The following NXN variants were observed in gnomAD, a reference collection of about 807,000 sequenced individuals.
NXN encodes nucleoredoxin.
NXN carries 16 observed loss-of-function variants against 48.6 expected under a neutral mutation model. The ratio of observed to expected loss-of-function variants is 0.33; its 90% CI spans 0.22 to 0.50. The LOEUF (loss-of-function observed/expected upper bound fraction) is 0.50. NXN is among the 20% of genes least tolerant of loss of function. The probability of loss-of-function intolerance (pLI) is 0.98; values close to 1 mark genes in which losing one functional copy is unlikely to be tolerated. For missense variants in NXN, 492 were observed against 605.5 expected (o/e 0.81, Z 1.97); for synonymous variants, 281 against 269.6 (o/e 1.04, Z -0.41).
intron 1 of NXN, among the ~76,000 whole-genome samples, chr17:862,135 A>C (rs1210992295): frequency 6.6e-6 from 1 of 152,178 alleles, no homozygotes; most frequent in Non-Finnish European, 1.5e-5. Flanking sequence ...TCAGCCAATG[A>C]GGGGCTCTTC....
chr17:901,560 C>CCAGGA (rs1364709166), intron 1 of NXN, among the ~76,000 whole-genome samples: 1 of 152,174 alleles, frequency 6.6e-6, no homozygotes, highest in East Asian at 1.9e-4. Context: ...TTCAAGGACA[C>CCAGGA]CAGGACACCT....
At chr17:808,769 G>C (rs1022453140) in intron 5 of NXN, among the ~76,000 whole-genome samples, 11 of 149,248 alleles carry the variant, frequency 7.4e-5, no homozygotes, top group Admixed American at 2.1e-4. Flanking sequence ...CCGCCTCCTG[G>C]GTTCAAGTGA....
intron 7 of NXN, among the ~76,000 whole-genome samples, chr17:801,691 A>T (rs569385882): frequency 6.6e-6 from 1 of 152,084 alleles, no homozygotes; most frequent in Non-Finnish European, 1.5e-5. Flanking sequence ...TGATCCGCCT[A>T]CCTTGGCCTC....
At chr17:812,115 G>C (rs1912074826) in intron 5 of NXN, among the ~76,000 whole-genome samples, 2 of 150,444 alleles carry the variant, frequency 1.3e-5, no homozygotes, top group Admixed American at 6.6e-5. Flanking sequence ...TTTTAATAGA[G>C]ACGGGGTTTC....
At chr17:877,232 C>G (rs1216224342) in intron 1 of NXN, among the ~76,000 whole-genome samples, 1 of 151,724 alleles carries the variant, frequency 6.6e-6, no homozygotes, top group Admixed American at 6.6e-5. Flanking sequence ...ACTGCAAGCT[C>G]CGCCTCCCAG....
rs772684733 is a variant in NXN at position 979,440 on chromosome 17, G to T, written c.239C>A (p.Pro80His). The T allele has an allele frequency of 2.3e-6, 3 of 1,283,986 alleles. No homozygotes were observed. Among genetic ancestry groups the T allele is most frequent in the Admixed American group, 6.3e-5 (2 of 31,558 alleles). The allele number at this position is 1,283,986 out of a possible 1,614,324, so 79.5% of individuals were successfully genotyped here. A position where few individuals can be genotyped will look rare whatever the true frequency, so the allele number is the denominator to read the frequency against. ...GATCTCCAGGCGCCGCCGCGGCTCG[G>T]GCTCCGCCGCCGCCCCGGCCCCCGC... ...PGAGAGAAAEPEPRRRLEIVF... is the reference protein window; with the variant it reads ...PGAGAGAAAEHEPRRRLEIVF... Residue 80 changes from proline (P) to histidine (H), a missense_variant, in exon 1 of 8, where the codon CCC becomes CAC. By Grantham distance (77) the Pro-to-His change is moderately conservative. Around this residue, in one of 3 missense-constraint regions of NXN, gnomAD observed 186 missense variants for 199.1 expected, o/e 0.93. Coordinates refer to ENST00000336868, the MANE Select transcript of NXN (RefSeq NM_022463.5).
chr17:934,087 G>A (rs1444432181), intron 1 of NXN, among the ~76,000 whole-genome samples: 1 of 152,194 alleles, frequency 6.6e-6, no homozygotes, highest in South Asian at 2.1e-4. Flanking sequence ...CATACATGCA[G>A]ACTATGGGGA....
chr17:893,430 C>T (rs1319421867), intron 1 of NXN, among the ~76,000 whole-genome samples: 2 of 152,216 alleles, frequency 1.3e-5, no homozygotes, highest in Non-Finnish European at 2.9e-5. Flanking sequence ...AGAATGCCCT[C>T]CTTGGATTTC....
intron 5 of NXN, among the ~76,000 whole-genome samples, chr17:818,735 A>C (rs1912631413): frequency 6.6e-6 from 1 of 151,834 alleles, no homozygotes; most frequent in African/African-American, 2.4e-5. Flanking sequence ...AATACAAAAA[A>C]TTTAGCCGGG....
intron 1 of NXN, among the ~76,000 whole-genome samples, chr17:831,445 C>CTTTA (rs1260938372): frequency 1.3e-4 from 19 of 149,096 alleles, no homozygotes; most frequent in South Asian, 4.3e-4. Flanking sequence ...TGAGGGCCGA[C>CTTTA]TTTATTTATT....
intron 1 of NXN, among the ~76,000 whole-genome samples, chr17:854,472 C>T (rs972766271): frequency 8.8e-5 from 13 of 148,398 alleles, no homozygotes; most frequent in Admixed American, 7.5e-4. Flanking sequence ...CACGGTGAAA[C>T]CCTGTCTCTA....
At chr17:908,086 A>G (rs2068597792) in intron 1 of NXN, 1 of 152,170 alleles carries the variant, frequency 6.6e-6, no homozygotes, top group Non-Finnish European at 1.5e-5. Context: ...AAGGGTCCCA[A>G]CATTCTGAAA....
intron 1 of NXN, among the ~76,000 whole-genome samples, chr17:831,202 G>T (rs1913445927): frequency 6.6e-6 from 1 of 151,956 alleles, no homozygotes; most frequent in Non-Finnish European, 1.5e-5. Flanking sequence ...GATCACACCT[G>T]TAATCCCAGC....
Position 915,101 on chromosome 17 carries a change from A to AT in NXN, c.360+64217dup, listed in dbSNP as rs200667932. Among the ~76,000 whole-genome samples, 1,214 of 151,868 alleles carry AT rather than the reference A, an allele frequency of 8.0e-3. 12 individuals are homozygous for AT. Among genetic ancestry groups the AT allele is most frequent in the African/African-American group, 0.023 (954 of 41,390 alleles). ...AGGCACCCGCCACAACGCCAAGCTCATTTTTTGTATTTTTAGTAGAAATGG... is the reference window on the plus strand; with the variant it reads ...AGGCACCCGCCACAACGCCAAGCTCATTTTTTTGTATTTTTAGTAGAAATGG... On this transcript the variant is annotated intron_variant, in intron 1 of 7. Transcript: ENST00000336868.
chr17:888,549 C>T (rs1227887730), intron 1 of NXN, among the ~76,000 whole-genome samples: 1 of 152,070 alleles, frequency 6.6e-6, no homozygotes. Flanking sequence ...TTCAAGAAAA[C>T]GAGGGTGCTC....
At chr17:852,631 T>C (rs144094562) in intron 1 of NXN, among the ~76,000 whole-genome samples, 80 of 152,146 alleles carry the variant, frequency 5.3e-4, no homozygotes, top group African/African-American at 1.9e-3. Flanking sequence ...GAGCAGAAAG[T>C]AGGGCTGGGT....
At chr17:888,708 A>G (rs1318204495) in intron 1 of NXN, among the ~76,000 whole-genome samples, 1 of 151,866 alleles carries the variant, frequency 6.6e-6, no homozygotes, top group African/African-American at 2.4e-5. Context: ...TAATCCCAGC[A>G]CTTTGGGAGG....
intron 1 of NXN, among the ~76,000 whole-genome samples, chr17:832,305 G>A (rs1913522149): frequency 1.3e-5 from 2 of 151,848 alleles, no homozygotes; most frequent in South Asian, 4.2e-4. Flanking sequence ...AGCCTCCTGA[G>A]TAGCTGGGAC....
chr17:902,287 T>G (rs1267971546), intron 1 of NXN, among the ~76,000 whole-genome samples: 1 of 152,184 alleles, frequency 6.6e-6, no homozygotes, highest in Admixed American at 6.6e-5. Flanking sequence ...CAGAAACCGT[T>G]CCGGTAACAG....
Sources: gnomAD v4.1 joint callset for allele counts (sites outside exome capture counted in the v4.1 genomes callset) on GRCh38, gnomAD v4.1.1 for gene constraint, gnomAD v4.1.1 regional missense constraint, MANE v1.5 for transcripts, NCBI Gene and HGNC (gene_info 2026-07-23, HGNC 2026-07-21) for gene names.